TMOD1: variants seen among roughly 807,000 people sequenced by gnomAD.
The protein encoded by TMOD1 is tropomodulin 1.
TMOD1 carries 17 observed loss-of-function variants against 40.6 expected under a neutral mutation model. The ratio of observed to expected loss-of-function variants is 0.42; its 90% CI spans 0.29 to 0.63. TMOD1 has a LOEUF of 0.63. Among genes scored for constraint, TMOD1 ranks in the 20% least tolerant of loss-of-function variants. The pLI is 0.22. For missense variants in TMOD1, 391 were observed against 447.6 expected, an observed-to-expected ratio of 0.87 and a Z score of 1.14; for synonymous variants, 181 against 175.0, an observed-to-expected ratio of 1.03 and a Z score of -0.27.
intron 2 of TMOD1, among the ~76,000 whole-genome samples, chr9:97,534,692 A>T (rs1425038206): frequency 6.6e-6 from 1 of 152,202 alleles, no homozygotes; most frequent in Non-Finnish European, 1.5e-5. Context: ...ATTCAGAGAA[A>T]ATTAAGATAT....
intron 8 of TMOD1, among the ~76,000 whole-genome samples, chr9:97,578,202 C>T (rs1017645558): frequency 6.6e-6 from 1 of 152,112 alleles, no homozygotes; most frequent in Non-Finnish European, 1.5e-5. Flanking sequence ...ACTACAGGTG[C>T]GCTCCACCAT....
intron 2 of TMOD1, among the ~76,000 whole-genome samples, chr9:97,532,363 C>T (rs998993347): frequency 3.3e-5 from 5 of 151,976 alleles, no homozygotes; most frequent in African/African-American, 1.2e-4. Flanking sequence ...CGACCTGGAA[C>T]CCCTCACTTC....
chr9:97,564,153 C>T lies in TMOD1; in HGVS notation c.603C>T (p.Asn201=). ...ACGACCCAAAACTTGAAGAAGTTAA[C>T]CTCAATAATATCCGGGTAAGGTCCA... is the stretch of plus-strand genomic sequence containing the variant. ...KNNDPKLEEV[N]LNNIRNIPIP... The change falls in exon 6 of 10, where the codon AAC becomes AAT. Residue 201 remains asparagine (N), a synonymous_variant. Transcript: ENST00000259365. 1.2e-6 allele frequency: 2 copies of T among 1,606,078 alleles called. No homozygotes were observed. The highest frequency in any genetic ancestry group is 1.7e-6 in the Non-Finnish European group (2 of 1,175,772).
intron 5 of TMOD1, among the ~76,000 whole-genome samples, chr9:97,563,456 A>G (rs1035572132): frequency 6.6e-6 from 1 of 152,146 alleles, no homozygotes; most frequent in African/African-American, 2.4e-5. Context: ...TCCCAACACC[A>G]TTCCTTGCAA....
At position 97,561,358 on chromosome 9, in the gene TMOD1, G is replaced by A. The variant is rs375848142; in HGVS notation, c.398-1374G>A. 1.4e-4 allele frequency among the ~76,000 whole-genome samples: 21 copies of A among 152,312 alleles called. 1 individual carries two copies. Among genetic ancestry groups the A allele is most frequent in the African/African-American group, 4.8e-4 (20 of 41,566 alleles). ...GGGTTATTGGGCAGATCAAGGAGGG[G>A]AGTGTCAGGCAATGGTTCTCAACCT... is the stretch of plus-strand genomic sequence containing the variant. On this transcript the variant is annotated intron_variant, in intron 4 of 9. Transcript: ENST00000259365.
chr9:97,601,122 TGCAC>T lies in TMOD1; in HGVS notation c.*1425_*1428del. The T allele has an allele frequency of 7.7e-7, 1 of 1,304,314 alleles. No homozygotes were observed. Among genetic ancestry groups the T allele is most frequent in the Non-Finnish European group, 1.0e-6 (1 of 988,964 alleles). The allele number at this position is 1,304,314 out of a possible 1,614,324, so 80.8% of individuals were successfully genotyped here. A position where few individuals can be genotyped will look rare whatever the true frequency, so the allele number is the denominator to read the frequency against. ...GCTATGGAAGAGTGTCCACTGAGGC[TGCAC>T]ATGGCCCAGGAGTGGCACCATGTTG... On this transcript the variant is annotated 3_prime_UTR_variant, in exon 10 of 10. Transcript: ENST00000259365.
At chr9:97,505,400 A>G (rs1829575810) in intron 1 of TMOD1, among the ~76,000 whole-genome samples, 2 of 152,194 alleles carry the variant, frequency 1.3e-5, no homozygotes, top group Non-Finnish European at 2.9e-5. Context: ...TGGGGCTTCA[A>G]GGGTGGTGAC....
At chr9:97,523,934 A>G (rs1350243918) in intron 1 of TMOD1, among the ~76,000 whole-genome samples, 1 of 152,248 alleles carries the variant, frequency 6.6e-6, no homozygotes, top group African/African-American at 2.4e-5. Flanking sequence ...ACCAATTACA[A>G]TTCATTAACT....
At chr9:97,562,615 A>C (rs1401862657) in intron 4 of TMOD1, 117 bp from the exon 5 acceptor site, 1 of 665,890 alleles carries the variant, frequency 1.5e-6, no homozygotes, top group Admixed American at 3.1e-5. Flanking sequence ...TGAAGTTTTC[A>C]TGCAAGTGTT....
intron 8 of TMOD1, among the ~76,000 whole-genome samples, chr9:97,580,377 C>T (rs1022066626): frequency 8.5e-5 from 13 of 152,070 alleles, no homozygotes; most frequent in African/African-American, 3.1e-4. Flanking sequence ...GAGGCCAAGA[C>T]GGGTGGATCA....
chr9:97,535,702 C>G (rs1830170814), intron 2 of TMOD1, among the ~76,000 whole-genome samples: 1 of 152,244 alleles, frequency 6.6e-6, no homozygotes, highest in African/African-American at 2.4e-5. Context: ...TTGTCCCCAC[C>G]TTGAATACCA....
chr9:97,524,452 T>G (rs991199642), intron 2 of TMOD1, 144 bp downstream of exon 2: 1 of 944,804 alleles, frequency 1.1e-6, no homozygotes, highest in Middle Eastern at 3.5e-4. Context: ...ATTTTTCTTT[T>G]AATGTGTTGT....
rs2131254851 is a variant in TMOD1, at chr9:97,553,277, G to T, written c.278-4G>T. The T allele has an allele frequency of 6.2e-7, 1 of 1,613,998 alleles. No homozygotes were observed. The highest frequency in any genetic ancestry group is 1.3e-5 in the African/African-American group (1 of 75,052). On this transcript the variant is annotated splice_region_variant and splice_polypyrimidine_tract_variant and intron_variant, in intron 3 of 9. Coordinates refer to ENST00000259365, the MANE Select transcript of TMOD1 (RefSeq NM_003275.4). Reference sequence around the variant, plus strand: ...CCCGTAACAGGTCCCCTGTGTGTTTGCAGGAAAGGTCTGGGTTCCTAAGCA... The same window carrying T: ...CCCGTAACAGGTCCCCTGTGTGTTTTCAGGAAAGGTCTGGGTTCCTAAGCA...
intron 9 of TMOD1, among the ~76,000 whole-genome samples, chr9:97,598,032 A>G (rs954698053): frequency 1.3e-5 from 2 of 152,118 alleles, no homozygotes; most frequent in Non-Finnish European, 2.9e-5. Flanking sequence ...AGATGAGTCA[A>G]AAGTCTTGGT....
chr9:97,534,494 G>A (rs1419421347), intron 2 of TMOD1, among the ~76,000 whole-genome samples: 2 of 152,176 alleles, frequency 1.3e-5, no homozygotes, highest in African/African-American at 4.8e-5. Context: ...TTCATAATAT[G>A]TCCCTCTCCC....
chr9:97,581,909 T>C (rs4486315), intron 8 of TMOD1, among the ~76,000 whole-genome samples: 1,726 of 149,628 alleles, frequency 0.012, 32 homozygotes, highest in African/African-American at 0.041. Context: ...CTTTGTCAGA[T>C]GAGTAGGTTG....
chr9:97,600,161 A>G lies in TMOD1; in HGVS notation c.*463A>G, dbSNP rs1267486838. The G allele has an allele frequency of 1.0e-6, 1 of 998,098 alleles. No individual in the cohort carries two copies. The highest frequency in any genetic ancestry group is 1.2e-6 in the Non-Finnish European group (1 of 836,252). 61.8% of individuals were successfully genotyped at this position (998,098 alleles called of 1,614,324 possible). A position where few individuals can be genotyped will look rare whatever the true frequency, so the allele number is the denominator to read the frequency against. ...TAAAACTGATTATCATTCTTTATTA[A>G]CCCTCCTTGGAATTTTGAAAACCTC... On this transcript the variant is annotated 3_prime_UTR_variant, in exon 10 of 10. Coordinates refer to ENST00000259365, the MANE Select transcript of TMOD1 (RefSeq NM_003275.4).
intron 8 of TMOD1, among the ~76,000 whole-genome samples, chr9:97,578,716 T>G (rs1825674418): frequency 6.6e-6 from 1 of 152,170 alleles, no homozygotes; most frequent in African/African-American, 2.4e-5. Flanking sequence ...CCTGCTCACC[T>G]CCCAGGGATG....
At chr9:97,574,892 T>A (rs1437084710) in intron 8 of TMOD1, among the ~76,000 whole-genome samples, 1 of 152,112 alleles carries the variant, frequency 6.6e-6, no homozygotes, top group African/African-American at 2.4e-5. Flanking sequence ...AGCTCAGGGA[T>A]TGTAAACGCA....
Sources: allele counts gnomAD v4.1 joint callset (sites outside exome capture counted in the v4.1 genomes callset), GRCh38; gene constraint gnomAD v4.1.1; transcripts MANE v1.5; gene names NCBI Gene and HGNC (gene_info 2026-07-23, HGNC 2026-07-21).